Variants in FRAS1 observed in about 807,000 individuals in gnomAD.
FRAS1 encodes the protein Fraser extracellular matrix complex subunit 1, also known as extracellular matrix organizing protein FRAS1.
A neutral mutation model predicts 435.2 loss-of-function variants in FRAS1; 290 were observed. The observed-to-expected ratio is 0.67, with a 90% confidence interval of 0.61 to 0.73. The LOEUF is 0.73. Ranked by LOEUF, FRAS1 falls within the 30% of genes least tolerant of loss-of-function variation. The pLI is 0.00. For missense variants in FRAS1, 4,860 were observed against 5,001.5 expected (o/e 0.97, Z 0.85); for synonymous variants, 1,800 against 1,851.0 (o/e 0.97, Z 0.71).
intron 7 of FRAS1, among the ~76,000 whole-genome samples, chr4:78,266,430 G>T (rs1726360034): frequency 1.3e-5 from 2 of 152,230 alleles, no homozygotes; most frequent in African/African-American, 4.8e-5. Flanking sequence ...CGGTTGGACA[G>T]TGTCCATGCC....
rs1721102447 is a variant in FRAS1, at chr4:78,513,430, T to C, written c.10052T>C (p.Met3351Thr). The C allele has an allele frequency of 6.2e-7, 1 of 1,613,862 alleles. No homozygotes were observed. The change falls in exon 65 of 74, where the codon ATG becomes ACG. Residue 3351 changes from methionine (M) to threonine (T), a missense_variant. Transcript: ENST00000512123. ...ISVQIPHQDGMLPLISTMPLH... is the reference protein window; with the variant it reads ...ISVQIPHQDGTLPLISTMPLH... Reference sequence around the variant, plus strand: ...GTGCAGATCCCACACCAGGATGGAATGCTGCCCCTTATCTCCACCATGCCG... The same window carrying C: ...GTGCAGATCCCACACCAGGATGGAACGCTGCCCCTTATCTCCACCATGCCG...
chr4:78,403,690 C>A (rs1402335235), intron 30 of FRAS1, among the ~76,000 whole-genome samples: 1 of 152,094 alleles, frequency 6.6e-6, no homozygotes, highest in Non-Finnish European at 1.5e-5. Flanking sequence ...GACTCACCAC[C>A]GTTTTCAGAT....
intron 2 of FRAS1, among the ~76,000 whole-genome samples, chr4:78,128,521 T>G (rs1719502435): frequency 6.6e-6 from 1 of 152,248 alleles, no homozygotes; most frequent in Non-Finnish European, 1.5e-5. Context: ...GAGCATTTTT[T>G]CATGTGTTTT....
intron 2 of FRAS1, among the ~76,000 whole-genome samples, chr4:78,196,757 A>C (rs1240942496): frequency 6.6e-6 from 1 of 152,230 alleles, no homozygotes; most frequent in East Asian, 1.9e-4. Flanking sequence ...AGAAAAACGT[A>C]TGTGAAGTAT....
intron 33 of FRAS1, among the ~76,000 whole-genome samples, chr4:78,419,591 C>A (rs1428500756): frequency 1.3e-5 from 2 of 152,182 alleles, no homozygotes; most frequent in Admixed American, 6.5e-5. Context: ...GGGGCCCTGC[C>A]ATCAGTCACC....
intron 14 of FRAS1, among the ~76,000 whole-genome samples, chr4:78,299,687 A>G (rs1728299898): frequency 6.6e-6 from 1 of 152,194 alleles, no homozygotes; most frequent in South Asian, 2.1e-4. Context: ...AAAAAGCAGA[A>G]GTGATCATTC....
rs1206310657 is a variant in FRAS1 at position 78,445,638 on chromosome 4, C to G, written c.5782C>G (p.His1928Asp). The change falls in exon 42 of 74, where the codon CAT becomes GAT. Residue 1928 changes from histidine (H) to aspartate (D), a missense_variant. His to Asp is a moderately conservative substitution (Grantham distance 81, BLOSUM62 -1). Transcript: ENST00000512123. ...TGTTCATGAAAGCATTGAGCCAACC[C>G]ATGATATTTTTAGTTTTTATGTGAG... ...QSVHESIEPTHDIFSFYVSDG... is the reference protein window; with the variant it reads ...QSVHESIEPTDDIFSFYVSDG... 2.5e-6 allele frequency: 4 copies of G among 1,613,854 alleles called. No homozygotes were observed. Among genetic ancestry groups the G allele is most frequent in the Non-Finnish European group, 3.4e-6 (4 of 1,179,804 alleles).
intron 51 of FRAS1, among the ~76,000 whole-genome samples, chr4:78,470,698 G>T (rs897561168): frequency 6.6e-6 from 1 of 152,158 alleles, no homozygotes; most frequent in African/African-American, 2.4e-5. Context: ...AAAGTGTATA[G>T]GTTATATGCA....
At chr4:78,122,076 C>T (rs955515028) in intron 2 of FRAS1, among the ~76,000 whole-genome samples, 2 of 152,140 alleles carry the variant, frequency 1.3e-5, no homozygotes, top group South Asian at 2.1e-4. Flanking sequence ...TTGCTGCACC[C>T]GTCAACCAGT....
chr4:78,375,131 C>T lies in FRAS1; in HGVS notation c.3152-608C>T, dbSNP rs146303574. On this transcript the variant is annotated intron_variant, in intron 25 of 73. Transcript: ENST00000512123. The stretch of plus-strand genomic sequence containing the variant: ...GCTTCATTGAAAATTGTTAACTTGA[C>T]CTGAATAAGTAATCCTATGTCCTAT... 6.9e-4 allele frequency among the ~76,000 whole-genome samples: 105 copies of T among 152,202 alleles called. 1 individual carries two copies. In the Middle Eastern group the frequency reaches 0.027, roughly 39 times the overall value.
chr4:78,529,112 GGA>G (rs1721634028), intron 70 of FRAS1, among the ~76,000 whole-genome samples: 1 of 151,954 alleles, frequency 6.6e-6, no homozygotes, highest in Non-Finnish European at 1.5e-5. Context: ...TGGAGGTGAG[GGA>G]GTCAAGGAAC....
intron 2 of FRAS1, among the ~76,000 whole-genome samples, chr4:78,081,616 T>C (rs1470750104): frequency 1.3e-5 from 2 of 152,086 alleles, no homozygotes; most frequent in Admixed American, 6.5e-5. Flanking sequence ...GGCAATAAAT[T>C]GGCAAGAACC....
At chr4:78,065,333 A>G (rs910340197) in intron 1 of FRAS1, among the ~76,000 whole-genome samples, 19 of 151,436 alleles carry the variant, frequency 1.3e-4, no homozygotes, top group African/African-American at 4.4e-4. Flanking sequence ...TGTAGTACAC[A>G]CACACATATA....
At chr4:78,209,394 G>A (rs2110083281) in intron 2 of FRAS1, among the ~76,000 whole-genome samples, 1 of 152,198 alleles carries the variant, frequency 6.6e-6, no homozygotes, top group East Asian at 1.9e-4. Flanking sequence ...AGGAGACTAG[G>A]GGGTGGCAGG....
intron 72 of FRAS1, among the ~76,000 whole-genome samples, chr4:78,538,660 A>C (rs1175491281): frequency 6.6e-6 from 1 of 152,188 alleles, no homozygotes; most frequent in African/African-American, 2.4e-5. Flanking sequence ...AGCCTCTTAA[A>C]AAACCATCAG....
chr4:78,376,161 A>G (rs1731752499), intron 26 of FRAS1, among the ~76,000 whole-genome samples: 1 of 152,240 alleles, frequency 6.6e-6, no homozygotes, highest in South Asian at 2.1e-4. Flanking sequence ...TTCCTGAACT[A>G]CAGCCATGTT....
intron 20 of FRAS1, among the ~76,000 whole-genome samples, chr4:78,343,292 T>G (rs1185020356): frequency 3.6e-5 from 4 of 111,292 alleles, no homozygotes; most frequent in Non-Finnish European, 7.8e-5. Flanking sequence ...GCCAGTGATA[T>G]GCAGAACAAT....
chr4:78,422,474 G>A (rs547254538), intron 34 of FRAS1, among the ~76,000 whole-genome samples: 2 of 152,302 alleles, frequency 1.3e-5, no homozygotes, highest in African/African-American at 4.8e-5. Context: ...TACTGGCAGT[G>A]GAGGGATGGG....
chr4:78,277,345 C>G (rs527851312), intron 9 of FRAS1, among the ~76,000 whole-genome samples: 1 of 152,242 alleles, frequency 6.6e-6, no homozygotes, highest in Admixed American at 6.5e-5. Flanking sequence ...CCGACAAGCC[C>G]CAGTGAGATA....
Sources: gnomAD v4.1 joint callset for allele counts (sites outside exome capture counted in the v4.1 genomes callset) on GRCh38, gnomAD v4.1.1 for gene constraint, MANE v1.5 for transcripts, NCBI Gene and HGNC (gene_info 2026-07-23, HGNC 2026-07-21) for gene names.